SEC13: variants seen among roughly 807,000 people sequenced by gnomAD.
SEC13 encodes the protein SEC13 homolog, nuclear pore and COPII component.
In SEC13, 25 loss-of-function variants were observed where a neutral mutation model predicts 49.2. The observed-to-expected ratio is 0.51, with a 90% CI of 0.37 to 0.71. SEC13 has a LOEUF of 0.71. SEC13 is among the 30% of genes least tolerant of loss of function. The pLI is 0.00. For synonymous variants in SEC13, 148 were observed against 163.9 expected, an observed-to-expected ratio of 0.90 and a Z score of 0.74; for missense variants, 383 against 417.6, an observed-to-expected ratio of 0.92 and a Z score of 0.72.
chr3:10,301,192 C>T lies in SEC13; in HGVS notation c.*69G>A, dbSNP rs696221. On this transcript the variant is annotated 3_prime_UTR_variant, in exon 9 of 9. Coordinates refer to ENST00000350697, the MANE Select transcript of SEC13 (RefSeq NM_183352.3). Reference sequence around the variant, plus strand: ...GGAGTTGGGGGCTCTTCCCAGTTGTCTGGTTAGTTGGCCCAGGAAGGGGCA... The same window carrying T: ...GGAGTTGGGGGCTCTTCCCAGTTGTTTGGTTAGTTGGCCCAGGAAGGGGCA... The T allele has an allele frequency of 0.58, 932,657 of 1,613,586 alleles. 279,343 individuals are homozygous for T. Among genetic ancestry groups the T allele is most frequent in the East Asian group, 0.99 (44,273 of 44,872 alleles).
At chr3:10,312,774 C>T in intron 3 of SEC13, 44 bp from the exon 4 acceptor site, 4 of 1,597,598 alleles carry the variant, frequency 2.5e-6, no homozygotes, top group Non-Finnish European at 2.6e-6. Flanking sequence ...AGTGCCTCTG[C>T]AGGCACTACT....
rs555041187 is a variant in SEC13 at position 10,315,127 on chromosome 3, T to TGCCCTTAACA, written c.164+184_164+193dup. 6.5e-4 allele frequency: 358 copies of TGCCCTTAACA among 554,328 alleles called. 2 individuals carry two copies. The highest frequency in any genetic ancestry group is 7.5e-5 in the Non-Finnish European group (23 of 304,646). The allele number at this position is 554,328 out of a possible 1,614,324, so 34.3% of individuals were successfully genotyped here. On this transcript the variant is annotated intron_variant, in intron 3 of 8. Transcript: ENST00000350697. ...TGAGATTCACACCTGTATCCACCTG[T>TGCCCTTAACA]GCCCTTAACAGCATCATCCCTGGGG...
chr3:10,320,398 G>T, intron 1 of SEC13: 1 of 334,334 alleles, frequency 3.0e-6, no homozygotes, highest in Non-Finnish European at 4.3e-6. Context: ...CAAGGAGTAA[G>T]TGTGGAGTGA....
chr3:10,310,580 T>G (rs1701191770), intron 5 of SEC13, among the ~76,000 whole-genome samples: 1 of 152,108 alleles, frequency 6.6e-6, no homozygotes, highest in South Asian at 2.1e-4. Context: ...GACAGACATA[T>G]GTTAGTGAGG....
At chr3:10,319,575 G>A (rs2059727832) in intron 1 of SEC13, among the ~76,000 whole-genome samples, 1 of 151,968 alleles carries the variant, frequency 6.6e-6, no homozygotes, top group Non-Finnish European at 1.5e-5. Context: ...ACTCCACCAG[G>A]CTGCCTGTCT....
chr3:10,310,559 G>A lies in SEC13; in HGVS notation c.450+1406C>T, dbSNP rs184589966. Among the ~76,000 whole-genome samples the A allele has an allele frequency of 9.2e-5, 14 of 152,252 alleles. No individual in the cohort carries two copies. The East Asian group carries it at 2.7e-3, about 29-fold the overall frequency. On this transcript the variant is annotated intron_variant, in intron 5 of 8. Transcript: ENST00000350697. ...CCACCTCACATTCACTAGGACAGCT[G>A]TAACCAAAATGACAGACATATGTTA...
intron 3 of SEC13, 46 bp from the exon 4 acceptor site, chr3:10,312,776 G>A (rs532139856): frequency 1.2e-6 from 2 of 1,604,938 alleles, no homozygotes; most frequent in Admixed American, 1.7e-5. Flanking sequence ...TGCCTCTGCA[G>A]GCACTACTTT....
chr3:10,301,866 A>G (rs1010786337), intron 8 of SEC13, among the ~76,000 whole-genome samples: 2 of 152,216 alleles, frequency 1.3e-5, no homozygotes, highest in Non-Finnish European at 2.9e-5. Context: ...TGTTGTTTCT[A>G]CACTGAAGTA....
chr3:10,302,229 C>A (rs1490352174), intron 8 of SEC13, among the ~76,000 whole-genome samples: 1 of 152,180 alleles, frequency 6.6e-6, no homozygotes, highest in Non-Finnish European at 1.5e-5. Flanking sequence ...CAGAGCGAGA[C>A]TCGATCTCAA....
chr3:10,320,217 C>T (rs2125294319), intron 1 of SEC13, among the ~76,000 whole-genome samples: 1 of 152,282 alleles, frequency 6.6e-6, no homozygotes, highest in Non-Finnish European at 1.5e-5. Flanking sequence ...TGATTTACAC[C>T]TAACCCTCTG....
chr3:10,319,192 C>G (rs770078042), intron 1 of SEC13: 2 of 1,613,670 alleles, frequency 1.2e-6, no homozygotes, highest in East Asian at 2.2e-5. Flanking sequence ...TAAAGTTTGA[C>G]TTGTGATTTC....
chr3:10,312,558 C>G (rs995267171), intron 4 of SEC13, 21 bp downstream of exon 4: 8 of 1,613,328 alleles, frequency 5.0e-6, no homozygotes, highest in African/African-American at 4.0e-5. Context: ...CTTGCCCGCT[C>G]TGCTGCCAAG....
intron 3 of SEC13, among the ~76,000 whole-genome samples, chr3:10,314,251 G>T (rs1202265423): frequency 6.6e-6 from 1 of 152,178 alleles, no homozygotes; most frequent in Non-Finnish European, 1.5e-5. Flanking sequence ...AAGTGTTAAG[G>T]ATTACAGGCG....
chr3:10,308,546 G>A (rs1411410172), intron 5 of SEC13, among the ~76,000 whole-genome samples: 2 of 152,080 alleles, frequency 1.3e-5, no homozygotes, highest in African/African-American at 4.8e-5. Context: ...AAGTCTTTGT[G>A]TGAACTTCAA....
In SEC13 at chr3:10,307,575, A is replaced by G. The variant is rs1023528600; in HGVS notation, c.451-1883T>C. Among the ~76,000 whole-genome samples the G allele has an allele frequency of 2.5e-4, 38 of 152,168 alleles. 1 individual carries two copies. Among genetic ancestry groups the G allele is most frequent in the African/African-American group, 8.7e-4 (36 of 41,430 alleles). Reference sequence around the variant, plus strand: ...CTCACATGGATGGCAGCAAAAAGGGAGAGAGAGCCTGTGCAGGTGAACTCC... The same window carrying G: ...CTCACATGGATGGCAGCAAAAAGGGGGAGAGAGCCTGTGCAGGTGAACTCC... On this transcript the variant is annotated intron_variant, in intron 5 of 8. Coordinates refer to ENST00000350697, the MANE Select transcript of SEC13 (RefSeq NM_183352.3).
At chr3:10,307,528 G>T (rs896305900) in intron 5 of SEC13, among the ~76,000 whole-genome samples, 2 of 143,634 alleles carry the variant, frequency 1.4e-5, no homozygotes, top group East Asian at 1.9e-4. Flanking sequence ...ATGGCAGAAG[G>T]CAAGGGAGGA....
chr3:10,305,010 G>A (rs764269865), intron 7 of SEC13, 23 bp downstream of exon 7: 1 of 1,613,908 alleles, frequency 6.2e-7, no homozygotes, highest in South Asian at 1.1e-5. Flanking sequence ...AATGACAAGG[G>A]ATACTCATGG....
intron 1 of SEC13, among the ~76,000 whole-genome samples, chr3:10,320,007 GAGA>G (rs2059748247): frequency 5.0e-5 from 2 of 40,040 alleles, no homozygotes; most frequent in Non-Finnish European, 1.0e-4. Flanking sequence ...GGAGGGTGGG[GAGA>G]GAGAGAGAGA....
At chr3:10,319,256 C>T (rs371310860) in intron 1 of SEC13, 1 of 1,611,230 alleles carries the variant, frequency 6.2e-7, no homozygotes, top group African/African-American at 1.3e-5. Context: ...GAGGTACACA[C>T]CAAGTAAGCA....
Sources: allele counts gnomAD v4.1 joint callset (sites outside exome capture counted in the v4.1 genomes callset), GRCh38; gene constraint gnomAD v4.1.1; transcripts MANE v1.5; gene names NCBI Gene and HGNC (gene_info 2026-07-23, HGNC 2026-07-21).